The following RBFOX3 variants were observed in gnomAD, a reference collection of about 807,000 sequenced individuals.
RBFOX3 encodes RNA binding fox-1 homolog 3.
Under a neutral mutation model 48.7 loss-of-function variants are expected in RBFOX3, and 17 were observed. That is an observed-to-expected ratio of 0.35 (90% CI 0.24 to 0.52). The LOEUF is 0.52. RBFOX3 is among the 20% of genes least tolerant of loss of function. The pLI, the probability that RBFOX3 is intolerant of heterozygous loss-of-function variation, is 0.94. For missense variants in RBFOX3, 382 were observed against 497.5 expected (o/e 0.77, Z 2.21); for synonymous variants, 212 against 209.5 (o/e 1.01, Z -0.10).
At chr17:79,336,401 T>C (rs1370612565) in intron 2 of RBFOX3, among the ~76,000 whole-genome samples, 2 of 120,542 alleles carry the variant, frequency 1.7e-5, no homozygotes, top group African/African-American at 3.2e-5. Flanking sequence ...AATAAATAAA[T>C]AAATAAATAA....
rs750643063 is a variant in RBFOX3, at chr17:79,106,671, C to T, written c.340G>A (p.Asp114Asn). 2.0e-6 allele frequency: 3 copies of T among 1,483,944 alleles called. No individual in the cohort carries two copies. The highest frequency in any genetic ancestry group is 2.7e-6 in the Non-Finnish European group (3 of 1,121,002). 91.9% of individuals were successfully genotyped at this position (1,483,944 alleles called of 1,614,324 possible). The part of the protein sequence containing the change: ...SNIPFRFRDP[D>N]LRQMFGQFGK... ...CTCACCCCGAACATTTGCCGCAAGT[C>T]GGGGTCCCTGAACCGGAAGGGGATG... is the stretch of plus-strand genomic sequence containing the variant. Residue 114 changes from aspartate to asparagine, a missense_variant, in exon 6 of 15, where the codon GAC becomes AAC. This residue lies in a region of RBFOX3 where 49 missense variants were observed against 110.7 expected (regional missense o/e 0.44). Coordinates refer to ENST00000693108, the MANE Select transcript of RBFOX3 (RefSeq NM_001350451.2).
intron 4 of RBFOX3, among the ~76,000 whole-genome samples, chr17:79,233,360 G>T (rs372156531): frequency 1.1e-4 from 16 of 152,298 alleles, no homozygotes; most frequent in African/African-American, 3.6e-4. Context: ...GGATTGGGTG[G>T]GGTGTGAGGA....
intron 3 of RBFOX3, among the ~76,000 whole-genome samples, chr17:79,239,851 T>C (rs1163448438): frequency 6.6e-6 from 1 of 152,256 alleles, no homozygotes. Flanking sequence ...GCTGGACCCC[T>C]GTTTTGAAGC....
chr17:79,433,108 A>T (rs140357619), intron 2 of RBFOX3, among the ~76,000 whole-genome samples: 1 of 152,282 alleles, frequency 6.6e-6, no homozygotes, highest in African/African-American at 2.4e-5. Flanking sequence ...CACCAATGGG[A>T]CACAGACGTC....
At chr17:79,570,461 T>C (rs943088500) in intron 1 of RBFOX3, among the ~76,000 whole-genome samples, 16 of 152,028 alleles carry the variant, frequency 1.1e-4, no homozygotes, top group Non-Finnish European at 2.4e-4. Flanking sequence ...GGAGGATGAA[T>C]GGGTGGACAG....
chr17:79,508,191 A>G (rs1294629865), intron 1 of RBFOX3, among the ~76,000 whole-genome samples: 3 of 152,228 alleles, frequency 2.0e-5, no homozygotes, highest in Non-Finnish European at 4.4e-5. Flanking sequence ...CTGGCCTTCT[A>G]GAAAAGCCCA....
intron 1 of RBFOX3, among the ~76,000 whole-genome samples, chr17:79,604,877 C>T (rs996079894): frequency 2.5e-4 from 38 of 152,124 alleles, no homozygotes; most frequent in Non-Finnish European, 4.9e-4. Flanking sequence ...TAAAAGCAAA[C>T]GATCCGGAGA....
intron 2 of RBFOX3, among the ~76,000 whole-genome samples, chr17:79,425,885 C>T (rs1448039540): frequency 6.6e-6 from 1 of 152,100 alleles, no homozygotes; most frequent in African/African-American, 2.4e-5. Context: ...TTCCAGGGAT[C>T]TTGCTGCAAA....
intron 1 of RBFOX3, among the ~76,000 whole-genome samples, chr17:79,523,803 G>C (rs1005622411): frequency 0.18 from 28,076 of 152,156 alleles, 6,749 homozygotes; most frequent in African/African-American, 0.56. Flanking sequence ...GGCGAACCTT[G>C]TAAACTAGCC....
intron 1 of RBFOX3, among the ~76,000 whole-genome samples, chr17:79,489,927 G>T (rs1881498776): frequency 6.6e-6 from 1 of 152,098 alleles, no homozygotes; most frequent in South Asian, 2.1e-4. Context: ...TTTAAAATAG[G>T]ACTCAAACTA....
intron 2 of RBFOX3, among the ~76,000 whole-genome samples, chr17:79,412,984 C>T (rs1458996592): frequency 1.3e-5 from 2 of 152,160 alleles, no homozygotes; most frequent in Non-Finnish European, 2.9e-5. Flanking sequence ...CTCCCTTCTG[C>T]TCTCTGACAG....
chr17:79,221,840 T>C (rs180885796), intron 4 of RBFOX3, among the ~76,000 whole-genome samples: 11 of 152,320 alleles, frequency 7.2e-5, no homozygotes, highest in African/African-American at 2.6e-4. Flanking sequence ...GGTGACAGGA[T>C]GCAGGCAGCA....
chr17:79,531,457 T>C (rs1386792185), intron 1 of RBFOX3, among the ~76,000 whole-genome samples: 1 of 152,222 alleles, frequency 6.6e-6, no homozygotes, highest in African/African-American at 2.4e-5. Context: ...ACAAGCACCC[T>C]GTAAATTTAG....
intron 2 of RBFOX3, among the ~76,000 whole-genome samples, chr17:79,476,051 T>C (rs2149421777): frequency 6.6e-6 from 1 of 152,350 alleles, no homozygotes; most frequent in Non-Finnish European, 1.5e-5. Context: ...TCCTGGGGGC[T>C]GCACCTGACA....
At chr17:79,499,870 T>C (rs2082147704) in intron 1 of RBFOX3, among the ~76,000 whole-genome samples, 1 of 152,220 alleles carries the variant, frequency 6.6e-6, no homozygotes, top group Non-Finnish European at 1.5e-5. Context: ...TATGCATTAA[T>C]GGGGCTCTCT....
At chr17:79,458,458 C>G (rs2074898044) in intron 2 of RBFOX3, among the ~76,000 whole-genome samples, 1 of 147,064 alleles carries the variant, frequency 6.8e-6, no homozygotes. Flanking sequence ...TCTGTGTGTG[C>G]ATGCCTGTGT....
At chr17:79,493,830 T>C (rs2081049177) in intron 1 of RBFOX3, among the ~76,000 whole-genome samples, 1 of 151,992 alleles carries the variant, frequency 6.6e-6, no homozygotes, top group Non-Finnish European at 1.5e-5. Flanking sequence ...GTTCAACTGG[T>C]GGAAAAACCA....
chr17:79,275,453 C>A (rs1271668530), intron 3 of RBFOX3, among the ~76,000 whole-genome samples: 3 of 141,112 alleles, frequency 2.1e-5, no homozygotes, highest in Non-Finnish European at 5.0e-5. Context: ...GACTAATGGT[C>A]CCCCCCCAAC....
chr17:79,511,366 C>T (rs898867118), intron 1 of RBFOX3, among the ~76,000 whole-genome samples: 1 of 152,116 alleles, frequency 6.6e-6, no homozygotes, highest in Non-Finnish European at 1.5e-5. Context: ...TAATATGTGT[C>T]GGGGCTGGGG....
Sources: gnomAD v4.1 joint callset for allele counts (sites outside exome capture counted in the v4.1 genomes callset) on GRCh38, gnomAD v4.1.1 for gene constraint, gnomAD v4.1.1 regional missense constraint, MANE v1.5 for transcripts, NCBI Gene and HGNC (gene_info 2026-07-23, HGNC 2026-07-21) for gene names.